ANXA6: variants seen among roughly 807,000 people sequenced by gnomAD.
The protein encoded by ANXA6 is annexin A6.
Under a neutral mutation model 95.4 loss-of-function variants are expected in ANXA6, and 71 were observed. The ratio of observed to expected loss-of-function variants is 0.74; its 90% CI spans 0.61 to 0.91. The LOEUF (loss-of-function observed/expected upper bound fraction) is 0.91. ANXA6 is among the 40% of genes least tolerant of loss of function. ANXA6 has a pLI of 0.00. For synonymous variants in ANXA6, 289 were observed against 315.9 expected (o/e 0.91, Z 0.90); for missense variants, 830 against 876.4 (o/e 0.95, Z 0.67).
intron 20 of ANXA6, among the ~76,000 whole-genome samples, chr5:151,113,792 A>C (rs1166765771): frequency 1.3e-5 from 2 of 152,254 alleles, no homozygotes; most frequent in Non-Finnish European, 2.9e-5. Context: ...ATCTAAGAGA[A>C]ATGAAAACAT....
At chr5:151,154,248 T>C (rs138817359) in intron 1 of ANXA6, among the ~76,000 whole-genome samples, 1 of 150,710 alleles carries the variant, frequency 6.6e-6, no homozygotes, top group Non-Finnish European at 1.5e-5. Flanking sequence ...ACAAGGCTCC[T>C]GGCCCCACAA....
intron 18 of ANXA6, among the ~76,000 whole-genome samples, chr5:151,119,055 C>G (rs1765087242): frequency 6.6e-6 from 1 of 152,234 alleles, no homozygotes; most frequent in Non-Finnish European, 1.5e-5. Context: ...CTCTCTCCAG[C>G]AGGCCAGAAT....
At chr5:151,105,098 G>T in intron 24 of ANXA6, 147 bp downstream of exon 24, 2 of 787,114 alleles carry the variant, frequency 2.5e-6, no homozygotes, top group Non-Finnish European at 4.3e-6. Flanking sequence ...CCATCCTAGA[G>T]CCAGACAAGG....
chr5:151,132,685 C>G, intron 9 of ANXA6, 114 bp from the exon 10 acceptor site: 5 of 846,674 alleles, frequency 5.9e-6, no homozygotes, highest in Non-Finnish European at 9.2e-6. Context: ...CACCATGAAG[C>G]TAGGGCTGGT....
At chr5:151,108,045 C>T (rs1372651124) in intron 23 of ANXA6, among the ~76,000 whole-genome samples, 1 of 151,652 alleles carries the variant, frequency 6.6e-6, no homozygotes, top group Non-Finnish European at 1.5e-5. Flanking sequence ...GTGTGGTGTG[C>T]ACCTGTCACA....
chr5:151,132,939 CT>C (rs969104033), intron 9 of ANXA6, among the ~76,000 whole-genome samples, 154 bp downstream of exon 9: 5 of 149,932 alleles, frequency 3.3e-5, no homozygotes, highest in African/African-American at 1.2e-4. Context: ...ACCGCAGTTA[CT>C]TTTGCACCAA....
At chr5:151,136,529 G>A (rs1765668075) in intron 6 of ANXA6, among the ~76,000 whole-genome samples, 194 bp from the exon 7 acceptor site, 2 of 152,184 alleles carry the variant, frequency 1.3e-5, no homozygotes, top group African/African-American at 4.8e-5. Flanking sequence ...AATGGAATCT[G>A]TTCATTCTCT....
Position 151,128,235 on chromosome 5 carries a change from T to A in ANXA6, c.923A>T (p.Asp308Val). 7 of 1,610,344 alleles carry A rather than the reference T, an allele frequency of 4.3e-6. No homozygotes were observed. The highest frequency in any genetic ancestry group is 5.9e-6 in the Non-Finnish European group (7 of 1,178,606). Reference sequence around the variant, plus strand: ...AGTCTTCTTGTACTCGCCAGAGGTGTCATTCTGAAGAGAAAGAAAGAAAGG... The same window carrying A: ...AGTCTTCTTGTACTCGCCAGAGGTGACATTCTGAAGAGAAAGAAAGAAAGG... ...EKSLYSMIKN[D>V]TSGEYKKTLL... The change falls in exon 13 of 26, where the codon GAC (aspartate) becomes GTC (valine). Residue 308 changes from aspartate to valine, a missense_variant. Coordinates refer to ENST00000354546, the MANE Select transcript of ANXA6 (RefSeq NM_001155.5).
intron 21 of ANXA6, 41 bp downstream of exon 21, chr5:151,110,566 CCAGTAAAGGCGGACTTTACT>C: frequency 1.9e-6 from 3 of 1,576,918 alleles, no homozygotes; most frequent in Non-Finnish European, 2.6e-6. Context: ...CCCGCTCGGC[CCAGTAAAGGCGGACTTTACT>C]CAGAGGCCGT....
rs58268342 is a variant in ANXA6 at position 151,154,295 on chromosome 5, G to GTATA, written c.-26+3381_-26+3384dup. ...AGGTGATGTCATATGGCAGTTTGCA[G>GTATA]TATATATATATATATATATATATAT... On this transcript the variant is annotated intron_variant, in intron 1 of 25. Transcript: ENST00000354546. Among the ~76,000 whole-genome samples the GTATA allele has an allele frequency of 5.9e-3, 821 of 138,800 alleles. 4 individuals are homozygous for GTATA. The highest frequency in any genetic ancestry group is 7.3e-3 in the Non-Finnish European group (468 of 63,706). The allele number at this position is 138,800 out of a possible 152,430, so 91.1% of individuals were successfully genotyped here. A position where few individuals can be genotyped will look rare whatever the true frequency, so the allele number is the denominator to read the frequency against.
At chr5:151,109,593 A>G (rs1042273393) in intron 22 of ANXA6, among the ~76,000 whole-genome samples, 160 bp downstream of exon 22, 17 of 152,142 alleles carry the variant, frequency 1.1e-4, no homozygotes, top group African/African-American at 4.1e-4. Flanking sequence ...CAGGACTAGA[A>G]CCCAGGGCTC....
chr5:151,138,917 C>A, intron 4 of ANXA6, 126 bp from the exon 5 acceptor site: 1 of 707,826 alleles, frequency 1.4e-6, no homozygotes, highest in Non-Finnish European at 2.5e-6. Flanking sequence ...TAAATCATCA[C>A]CCTTGGAGGT....
In ANXA6 at chr5:151,101,270, C is replaced by T. The variant is rs1221226670; in HGVS notation, c.*178G>A. On this transcript the variant is annotated 3_prime_UTR_variant, in exon 26 of 26. Transcript: ENST00000354546. ...CAGCCGCTCAGCCGTGCTGGGCCCTCGATGGCCCGTGGGAGTGGGAGCGTT... is the reference window on the plus strand; with the variant it reads ...CAGCCGCTCAGCCGTGCTGGGCCCTTGATGGCCCGTGGGAGTGGGAGCGTT... 3.0e-6 allele frequency: 2 copies of T among 658,352 alleles called. No individual in the cohort carries two copies. Among genetic ancestry groups the T allele is most frequent in the Non-Finnish European group, 5.5e-6 (2 of 363,806 alleles). The allele number at this position is 658,352 out of a possible 1,614,324, so 40.8% of individuals were successfully genotyped here. A position where few individuals can be genotyped will look rare whatever the true frequency, so the allele number is the denominator to read the frequency against.
Position 151,100,900 on chromosome 5 carries a change from T to G in ANXA6, c.*548A>C, listed in dbSNP as rs1170312485. The G allele has an allele frequency of 1.3e-5, 6 of 456,342 alleles. No individual in the cohort carries two copies. In the Admixed American group the frequency reaches 1.4e-4, roughly 11 times the overall value. The allele number at this position is 456,342 out of a possible 1,614,324, so 28.3% of individuals were successfully genotyped here. A position where few individuals can be genotyped will look rare whatever the true frequency, so the allele number is the denominator to read the frequency against. On this transcript the variant is annotated 3_prime_UTR_variant, in exon 26 of 26. Transcript: ENST00000354546. Reference sequence around the variant, plus strand: ...GGGCTGGCCTAAGGTCAGAAACAAGTGCATGGCAGATGCAGATTTGAACCC... The same window carrying G: ...GGGCTGGCCTAAGGTCAGAAACAAGGGCATGGCAGATGCAGATTTGAACCC...
intron 2 of ANXA6, among the ~76,000 whole-genome samples, chr5:151,146,629 G>A (rs1268522316): frequency 6.6e-6 from 1 of 152,204 alleles, no homozygotes; most frequent in Non-Finnish European, 1.5e-5. Context: ...TCTGTGGCCA[G>A]TAGTTCTGGG....
chr5:151,106,139 T>C (rs2113892623), intron 23 of ANXA6, among the ~76,000 whole-genome samples: 1 of 152,254 alleles, frequency 6.6e-6, no homozygotes, highest in African/African-American at 2.4e-5. Flanking sequence ...TCTTGCAGGA[T>C]TGGCAGCCCC....
chr5:151,111,757 T>G (rs1300193831), intron 20 of ANXA6, among the ~76,000 whole-genome samples: 1 of 151,820 alleles, frequency 6.6e-6, no homozygotes, highest in African/African-American at 2.4e-5. Context: ...TCCAGCTAAT[T>G]TTTTTATTTT....
chr5:151,123,341 T>C lies in ANXA6; in HGVS notation c.1139-330A>G, dbSNP rs140306646. ...GCAAGTCCCCTTCCCTTGATGGGAC[T>C]TGGTTTCCACATCTGTAACATGAAG... On this transcript the variant is annotated intron_variant, in intron 15 of 25. Transcript: ENST00000354546. Among the ~76,000 whole-genome samples, 592 of 152,312 alleles carry C rather than the reference T, an allele frequency of 3.9e-3. 8 individuals carry two copies. Among genetic ancestry groups the C allele is most frequent in the African/African-American group, 0.013 (543 of 41,568 alleles).
intron 23 of ANXA6, 83 bp from the exon 24 acceptor site, chr5:151,105,386 A>C: frequency 8.1e-7 from 1 of 1,231,156 alleles, no homozygotes; most frequent in South Asian, 1.2e-5. Flanking sequence ...CCATCTCCCC[A>C]CCTCGTCTAT....
Sources: gnomAD v4.1 joint callset for allele counts (sites outside exome capture counted in the v4.1 genomes callset) on GRCh38, gnomAD v4.1.1 for gene constraint, MANE v1.5 for transcripts, NCBI Gene and HGNC (gene_info 2026-07-23, HGNC 2026-07-21) for gene names.